The following PRKCE variants were observed in gnomAD, a reference collection of about 807,000 sequenced individuals.
The protein encoded by PRKCE is protein kinase C epsilon type.
Under a neutral mutation model 85.4 loss-of-function variants are expected in PRKCE, and 16 were observed. The observed-to-expected ratio is 0.19, with a 90% CI of 0.13 to 0.28. The LOEUF (loss-of-function observed/expected upper bound fraction) is 0.28. PRKCE is among the 10% of genes least tolerant of loss of function. PRKCE has a pLI of 1.00. For missense variants in PRKCE, 573 were observed against 975.2 expected (o/e 0.59, Z 5.49); for synonymous variants, 388 against 371.5 (o/e 1.04, Z -0.51).
chr2:46,053,895 T>C (rs1205412780), intron 10 of PRKCE, among the ~76,000 whole-genome samples: 1 of 152,246 alleles, frequency 6.6e-6, no homozygotes, highest in Non-Finnish European at 1.5e-5. Context: ...GCAGAATTGC[T>C]GACTCATATA....
chr2:46,150,315 C>A (rs909573320), intron 12 of PRKCE, among the ~76,000 whole-genome samples: 1 of 152,192 alleles, frequency 6.6e-6, no homozygotes, highest in African/African-American at 2.4e-5. Flanking sequence ...TGGTTCGATT[C>A]TGGCTATTGC....
In PRKCE at chr2:46,004,601, T is replaced by A. The variant is rs778444844; in HGVS notation, c.1026T>A (p.Asp342Glu). The A allele has an allele frequency of 5.0e-6, 8 of 1,591,372 alleles. No individual in the cohort carries two copies. In the Admixed American group the frequency reaches 1.2e-4, roughly 24 times the overall value. Residue 342 changes from aspartate to glutamate, a missense_variant, in exon 8 of 15, where the codon GAT becomes GAA. Asp to Glu is a conservative substitution (Grantham distance 45). Around this residue, in one of 11 missense-constraint regions of PRKCE, gnomAD observed 117 missense variants for 104.8 expected, o/e 1.12. Transcript: ENST00000306156. This position sits in a 1 kb window ranked among gnomAD's most constrained non-coding sequence, Gnocchi z 4.1. ...PASGSSPSEE[D>E]RSKSAPTSPC... ...CTGGAAGCTCACCATCTGAGGAAGA[T>A]CGATCCAAGTCAGCACCCACCTCCC...
At chr2:45,830,739 A>G (rs1163106354) in intron 1 of PRKCE, among the ~76,000 whole-genome samples, 1 of 152,250 alleles carries the variant, frequency 6.6e-6, no homozygotes, top group Non-Finnish European at 1.5e-5. Context: ...CACCTATTAA[A>G]CAACAGTAAT....
chr2:45,976,022 C>T (rs1217408157), intron 2 of PRKCE, among the ~76,000 whole-genome samples: 4 of 152,308 alleles, frequency 2.6e-5, no homozygotes, highest in Non-Finnish European at 4.4e-5. Context: ...AAGGGAGATG[C>T]GCTCAGATGC....
At chr2:45,723,941 A>ATAG (rs775350078) in intron 1 of PRKCE, among the ~76,000 whole-genome samples, 3 of 152,176 alleles carry the variant, frequency 2.0e-5, no homozygotes, top group African/African-American at 4.8e-5. Flanking sequence ...CTGTGATGAC[A>ATAG]TAGTCTGTTC....
chr2:45,951,342 C>G (rs190073140), intron 2 of PRKCE, among the ~76,000 whole-genome samples: 4 of 152,178 alleles, frequency 2.6e-5, no homozygotes, highest in African/African-American at 4.8e-5. Flanking sequence ...TACAGACTGT[C>G]GAGGAAGTCG....
At chr2:46,034,840 C>G (rs1707758082) in intron 10 of PRKCE, among the ~76,000 whole-genome samples, 1 of 152,232 alleles carries the variant, frequency 6.6e-6, no homozygotes, top group Non-Finnish European at 1.5e-5. Context: ...CAAACAGTAG[C>G]CAGATTCATT....
chr2:46,044,263 C>G (rs1708385270), intron 10 of PRKCE, among the ~76,000 whole-genome samples: 1 of 152,168 alleles, frequency 6.6e-6, no homozygotes, highest in Admixed American at 6.5e-5. Flanking sequence ...CCCTTACATT[C>G]TTATTTAGTA....
chr2:46,140,498 G>A (rs1390913351), intron 11 of PRKCE, among the ~76,000 whole-genome samples: 1 of 152,088 alleles, frequency 6.6e-6, no homozygotes, highest in East Asian at 1.9e-4. Context: ...AGTTGGATAT[G>A]GATCACACAT....
intron 2 of PRKCE, among the ~76,000 whole-genome samples, chr2:45,926,968 G>A (rs1698668018): frequency 6.6e-6 from 1 of 152,196 alleles, no homozygotes; most frequent in African/African-American, 2.4e-5. Flanking sequence ...ATGTGCATGT[G>A]TGAGCGTGCA....
intron 10 of PRKCE, among the ~76,000 whole-genome samples, chr2:46,019,954 A>G (rs866896779): frequency 3.3e-5 from 5 of 149,978 alleles, no homozygotes; most frequent in Admixed American, 1.3e-4. Flanking sequence ...GGCTCAAGCA[A>G]TTCTCCTGCC....
At position 46,140,727 on chromosome 2, in the gene PRKCE, A is replaced by G. The variant is rs190091024; in HGVS notation, c.1593-4366A>G. Among the ~76,000 whole-genome samples the G allele has an allele frequency of 5.3e-5, 8 of 152,338 alleles. No homozygotes were observed. The East Asian group carries it at 1.5e-3, about 29-fold the overall frequency. ...TGACAAAACCACCATAAGCAATGCC[A>G]AAAGTCAAACAAAAAACTGGGATAA... On this transcript the variant is annotated intron_variant, in intron 11 of 14. Transcript: ENST00000306156.
chr2:45,777,359 A>T (rs1314309498), intron 1 of PRKCE, among the ~76,000 whole-genome samples: 1 of 151,966 alleles, frequency 6.6e-6, no homozygotes, highest in Non-Finnish European at 1.5e-5. Flanking sequence ...GAAATGTGAG[A>T]AGTGTTCTGG....
intron 2 of PRKCE, among the ~76,000 whole-genome samples, chr2:45,933,047 A>T (rs1699158085): frequency 6.6e-6 from 1 of 152,146 alleles, no homozygotes; most frequent in South Asian, 2.1e-4. Flanking sequence ...TTCTGATTTT[A>T]ATTTGCATTT....
At chr2:46,007,087 A>G (rs577580903) in intron 8 of PRKCE, among the ~76,000 whole-genome samples, 19 of 152,326 alleles carry the variant, frequency 1.2e-4, no homozygotes, top group African/African-American at 2.6e-4. Flanking sequence ...AGGAAACTTG[A>G]AGGATACCTG....
intron 2 of PRKCE, among the ~76,000 whole-genome samples, chr2:45,954,803 A>AT (rs1700861309): frequency 6.6e-6 from 1 of 152,204 alleles, no homozygotes; most frequent in African/African-American, 2.4e-5. Context: ...GATAGCTTTT[A>AT]TTTTGTGAAA....
chr2:46,028,953 C>T (rs997174378), intron 10 of PRKCE, among the ~76,000 whole-genome samples: 2 of 152,130 alleles, frequency 1.3e-5, no homozygotes, highest in African/African-American at 4.8e-5. Context: ...GGATAATGGC[C>T]TCCAGCTCCA....
At chr2:45,717,356 C>T (rs779026432) in intron 1 of PRKCE, among the ~76,000 whole-genome samples, 1 of 152,152 alleles carries the variant, frequency 6.6e-6, no homozygotes, top group Non-Finnish European at 1.5e-5. Flanking sequence ...CTTCTTACCC[C>T]CTCTCTCTCA....
chr2:45,953,130 A>T (rs1223173208), intron 2 of PRKCE, among the ~76,000 whole-genome samples: 1 of 152,232 alleles, frequency 6.6e-6, no homozygotes, highest in Non-Finnish European at 1.5e-5. Context: ...AGGTGAACAC[A>T]GTTCTGAACC....
Sources: allele counts gnomAD v4.1 joint callset (sites outside exome capture counted in the v4.1 genomes callset), GRCh38; gene constraint gnomAD v4.1.1; regional missense constraint gnomAD v4.1.1; non-coding constraint Gnocchi (gnomAD v3.1); transcripts MANE v1.5; gene names NCBI Gene and HGNC (gene_info 2026-07-23, HGNC 2026-07-21).